KIF18A: variants seen among roughly 807,000 people sequenced by gnomAD.
KIF18A encodes kinesin-like protein KIF18A.
Under a neutral mutation model 103.3 loss-of-function variants are expected in KIF18A, and 67 were observed. The observed-to-expected ratio is 0.65, with a 90% CI of 0.53 to 0.79. The LOEUF is 0.79. Ranked by LOEUF, KIF18A falls within the 30% of genes least tolerant of loss-of-function variation. KIF18A has a pLI of 0.00. For synonymous variants in KIF18A, 367 were observed against 355.5 expected (o/e 1.03, Z -0.36); for missense variants, 1,032 against 1,062.5 (o/e 0.97, Z 0.40).
At chr11:28,099,023 G>C (rs1232723656) in intron 1 of KIF18A, among the ~76,000 whole-genome samples, 1 of 152,084 alleles carries the variant, frequency 6.6e-6, no homozygotes, top group East Asian at 1.9e-4. Flanking sequence ...ATGTTGAAGA[G>C]ATATTTGCCC....
chr11:28,092,579 C>T (rs751463243), intron 3 of KIF18A, among the ~76,000 whole-genome samples: 5 of 152,012 alleles, frequency 3.3e-5, no homozygotes, highest in Admixed American at 6.6e-5. Flanking sequence ...GTACTAGTGA[C>T]CCGATTTTAT....
intron 1 of KIF18A, among the ~76,000 whole-genome samples, chr11:28,101,945 G>A (rs371419438): frequency 1.3e-4 from 20 of 152,052 alleles, no homozygotes; most frequent in African/African-American, 3.1e-4. Context: ...CATTAGATGC[G>A]TTTTATTTGA....
intron 3 of KIF18A, among the ~76,000 whole-genome samples, chr11:28,091,725 G>A (rs1851307054): frequency 1.3e-5 from 2 of 152,190 alleles, no homozygotes; most frequent in African/African-American, 4.8e-5. Flanking sequence ...GTTTGAAATT[G>A]AAACTTAAAG....
At chr11:28,078,300 A>G (rs1851121644) in intron 9 of KIF18A, among the ~76,000 whole-genome samples, 1 of 152,198 alleles carries the variant, frequency 6.6e-6, no homozygotes, top group Admixed American at 6.6e-5. Context: ...ATATGTACAG[A>G]CACTGTGATT....
In KIF18A at chr11:28,104,098, G is replaced by A. The variant is rs4077993; in HGVS notation, c.-47+3966C>T. 6.0e-3 allele frequency among the ~76,000 whole-genome samples: 917 copies of A among 152,256 alleles called. 45 individuals are homozygous for A. The highest frequency in any genetic ancestry group is 0.057 in the Admixed American group (874 of 15,292). On this transcript the variant is annotated intron_variant, in intron 1 of 16. Coordinates refer to ENST00000263181, the MANE Select transcript of KIF18A (RefSeq NM_031217.4). ...GGTCAATTTTTAACTTATAACATAT[G>A]TAGCTAGTGCTCATCCCAGATTAAA...
rs1207878796 is a variant in KIF18A at position 28,036,494 on chromosome 11, G to T, written c.2119C>A (p.Pro707Thr). Residue 707 changes from proline (P) to threonine (T), a missense_variant, in exon 14 of 17, where the codon CCA (proline) becomes ACA (threonine). Physicochemically the swap from Pro to Thr is conservative, Grantham distance 38. Coordinates refer to ENST00000263181, the MANE Select transcript of KIF18A (RefSeq NM_031217.4). ...SKELQPIVYTPEDCRKAFQNP... is the reference protein window; with the variant it reads ...SKELQPIVYTTEDCRKAFQNP... Reference sequence around the variant, plus strand: ...TGAAAAGCTTTTCTACAGTCTTCTGGTGTATATACAATAGGCTGAAGTTCT... The same window carrying T: ...TGAAAAGCTTTTCTACAGTCTTCTGTTGTATATACAATAGGCTGAAGTTCT... The T allele has an allele frequency of 6.2e-7, 1 of 1,611,266 alleles. No individual in the cohort carries two copies. The highest frequency in any genetic ancestry group is 8.5e-7 in the Non-Finnish European group (1 of 1,178,222).
intron 13 of KIF18A, among the ~76,000 whole-genome samples, chr11:28,043,155 G>GTT (rs1850582838): frequency 6.6e-6 from 1 of 151,818 alleles, no homozygotes; most frequent in Non-Finnish European, 1.5e-5. Context: ...TTCAGTCCTG[G>GTT]CTCAGTTGTT....
intron 15 of KIF18A, among the ~76,000 whole-genome samples, chr11:28,025,912 T>G (rs1365982286): frequency 6.6e-6 from 1 of 151,952 alleles, no homozygotes; most frequent in Admixed American, 6.6e-5. Context: ...TAATTTCTAG[T>G]TGAAATAATT....
intron 11 of KIF18A, among the ~76,000 whole-genome samples, chr11:28,064,420 T>C (rs1282012768): frequency 2.0e-5 from 3 of 152,010 alleles, no homozygotes; most frequent in African/African-American, 4.8e-5. Context: ...ATCATAATAG[T>C]GTGAACATGT....
intron 9 of KIF18A, among the ~76,000 whole-genome samples, chr11:28,081,228 T>C (rs552534931): frequency 6.6e-6 from 1 of 152,314 alleles, no homozygotes; most frequent in African/African-American, 2.4e-5. Flanking sequence ...AGATCACTGA[T>C]GAAGGTGGCT....
intron 11 of KIF18A, among the ~76,000 whole-genome samples, chr11:28,068,757 ATTG>A (rs766748360): frequency 6.6e-6 from 1 of 152,200 alleles, no homozygotes; most frequent in Admixed American, 6.6e-5. Flanking sequence ...TCCAAGACTT[ATTG>A]TTAAGAGAAC....
intron 1 of KIF18A, among the ~76,000 whole-genome samples, chr11:28,099,903 GATAAT>G (rs1000474759): frequency 3.3e-5 from 5 of 152,112 alleles, no homozygotes; most frequent in Non-Finnish European, 7.4e-5. Flanking sequence ...CTGCTATGTG[GATAAT>G]ATAATAGACT....
chr11:28,050,723 A>T (rs1055055096), intron 13 of KIF18A, among the ~76,000 whole-genome samples: 1 of 151,828 alleles, frequency 6.6e-6, no homozygotes, highest in Admixed American at 6.6e-5. Flanking sequence ...TCAGTTCCAT[A>T]AATAAATTTT....
chr11:28,054,477 T>C (rs1330713964), intron 13 of KIF18A, among the ~76,000 whole-genome samples: 1 of 152,218 alleles, frequency 6.6e-6, no homozygotes, highest in Admixed American at 6.6e-5. Context: ...CCCAAAATAC[T>C]GGGATTGCAG....
At chr11:28,106,264 G>T (rs1194552274) in intron 1 of KIF18A, among the ~76,000 whole-genome samples, 1 of 152,156 alleles carries the variant, frequency 6.6e-6, no homozygotes, top group Admixed American at 6.5e-5. Context: ...AATCAGAAGA[G>T]AATGCTTCCA....
chr11:28,058,164 G>A (rs577926589), intron 13 of KIF18A, among the ~76,000 whole-genome samples: 1 of 151,944 alleles, frequency 6.6e-6, no homozygotes, highest in African/African-American at 2.4e-5. Context: ...CAATTAAAAT[G>A]TCTCACACAT....
At chr11:28,030,156 T>C (rs1260061174) in intron 15 of KIF18A, among the ~76,000 whole-genome samples, 3 of 129,262 alleles carry the variant, frequency 2.3e-5, no homozygotes, top group Non-Finnish European at 3.2e-5. Flanking sequence ...CCAATGACTT[T>C]CTTCACAGAA....
intron 13 of KIF18A, among the ~76,000 whole-genome samples, chr11:28,044,225 T>C (rs529743768): frequency 1.5e-4 from 23 of 152,090 alleles, no homozygotes; most frequent in Non-Finnish European, 3.2e-4. Flanking sequence ...ACTAGGTGCA[T>C]TAAATAATTT....
intron 6 of KIF18A, among the ~76,000 whole-genome samples, chr11:28,087,852 G>A (rs969307888): frequency 2.0e-5 from 3 of 151,986 alleles, no homozygotes; most frequent in Non-Finnish European, 2.9e-5. Context: ...TGAGCTTTTC[G>A]AACAGTTTAA....
Sources: allele counts gnomAD v4.1 joint callset (sites outside exome capture counted in the v4.1 genomes callset), GRCh38; gene constraint gnomAD v4.1.1; transcripts MANE v1.5; gene names NCBI Gene and HGNC (gene_info 2026-07-23, HGNC 2026-07-21).